ARB2A: variants seen among roughly 807,000 people sequenced by gnomAD.
The protein encoded by ARB2A is ARB2 cotranscriptional regulator A.
chr5:93,830,309 GTGTATATATATATATATATATATATA>G, the ARB2A span, among the ~76,000 whole-genome samples: 2 of 49,658 alleles, frequency 4.0e-5, no homozygotes, highest in African/African-American at 1.8e-4. Flanking sequence ...ATGTGTGTGT[GTGTATATATATATATATATATATATA>G]TATATATATA....
At chr5:94,072,880 T>C in the ARB2A span, among the ~76,000 whole-genome samples, 1 of 152,140 alleles carries the variant, frequency 6.6e-6, no homozygotes, top group East Asian at 1.9e-4. Context: ...CCATCTTCAT[T>C]ATTACAGCAA....
the ARB2A span, among the ~76,000 whole-genome samples, chr5:93,791,953 C>G: frequency 1.3e-5 from 2 of 151,372 alleles, no homozygotes; most frequent in Admixed American, 6.6e-5. Context: ...AAAAAAAAAG[C>G]AAACATTAAG....
the ARB2A span, among the ~76,000 whole-genome samples, chr5:93,851,186 G>A: frequency 2.0e-5 from 3 of 152,080 alleles, no homozygotes; most frequent in Admixed American, 2.0e-4. Flanking sequence ...AAAATGCTTA[G>A]CAAAGTAGCT....
chr5:93,651,776 C>T, the ARB2A span, among the ~76,000 whole-genome samples: 3 of 151,766 alleles, frequency 2.0e-5, no homozygotes, highest in African/African-American at 7.3e-5. Context: ...GATATGACAA[C>T]AATAATATAA....
chr5:93,903,944 C>T, the ARB2A span, among the ~76,000 whole-genome samples: 6 of 151,880 alleles, frequency 4.0e-5, no homozygotes, highest in Non-Finnish European at 8.8e-5. Flanking sequence ...ATAATTCACC[C>T]TTAGTCTTAG....
chr5:93,886,025 C>A, the ARB2A span, among the ~76,000 whole-genome samples: 1 of 151,572 alleles, frequency 6.6e-6, no homozygotes, highest in Admixed American at 6.6e-5. Flanking sequence ...TATATCAGTA[C>A]AAAAACGCAC....
chr5:94,029,849 C>T, the ARB2A span, among the ~76,000 whole-genome samples: 1 of 152,138 alleles, frequency 6.6e-6, no homozygotes, highest in Non-Finnish European at 1.5e-5. Context: ...GCGTATTAAT[C>T]TGTTTTCACT....
chr5:93,707,583 T>TA, the ARB2A span, among the ~76,000 whole-genome samples: 2 of 149,990 alleles, frequency 1.3e-5, no homozygotes, highest in African/African-American at 2.4e-5. Flanking sequence ...TTTCTTTTTT[T>TA]TTTTTTTTTG....
the ARB2A span, among the ~76,000 whole-genome samples, chr5:93,997,074 G>C: frequency 6.6e-6 from 1 of 152,032 alleles, no homozygotes; most frequent in Non-Finnish European, 1.5e-5. Context: ...TTACCTCAGA[G>C]ACTACATTAA....
chr5:93,973,267 T>A, the ARB2A span, among the ~76,000 whole-genome samples: 1 of 151,856 alleles, frequency 6.6e-6, no homozygotes, highest in African/African-American at 2.4e-5. Flanking sequence ...GCCAGGAATT[T>A]CAAACTACAA....
At chr5:94,012,515 C>T in the ARB2A span, among the ~76,000 whole-genome samples, 1 of 152,176 alleles carries the variant, frequency 6.6e-6, no homozygotes, top group Non-Finnish European at 1.5e-5. Flanking sequence ...AAAACATGCC[C>T]AGGCTAAGTT....
At chr5:93,934,269 T>C in the ARB2A span, among the ~76,000 whole-genome samples, 1 of 152,164 alleles carries the variant, frequency 6.6e-6, no homozygotes, top group Non-Finnish European at 1.5e-5. Context: ...AATTCTTCTT[T>C]ATTTCAATGG....
the ARB2A span, chr5:93,741,622 A>G: frequency 6.9e-7 from 1 of 1,442,582 alleles, no homozygotes; most frequent in Non-Finnish European, 9.1e-7. Context: ...AGGCTTCAGA[A>G]CAGCCACCGG....
chr5:93,938,845 T>G, the ARB2A span, among the ~76,000 whole-genome samples: 1 of 152,210 alleles, frequency 6.6e-6, no homozygotes, highest in South Asian at 2.1e-4. Flanking sequence ...ATTTGACTTC[T>G]TTAAGTTTTG....
chr5:94,007,370 A>G, the ARB2A span, among the ~76,000 whole-genome samples: 1 of 152,228 alleles, frequency 6.6e-6, no homozygotes, highest in Non-Finnish European at 1.5e-5. Flanking sequence ...AACTTACACA[A>G]TATCTTAGAC....
At chr5:93,812,755 T>C in the ARB2A span, among the ~76,000 whole-genome samples, 1 of 152,222 alleles carries the variant, frequency 6.6e-6, no homozygotes, top group South Asian at 2.1e-4. Flanking sequence ...TTAAATCATC[T>C]GACTCGATTA....
chr5:93,885,088 A>C, the ARB2A span, among the ~76,000 whole-genome samples: 2 of 151,594 alleles, frequency 1.3e-5, no homozygotes, highest in African/African-American at 4.8e-5. Context: ...TACTGTTTTA[A>C]ATTGAATAAT....
chr5:93,916,462 T>C, the ARB2A span, among the ~76,000 whole-genome samples: 2 of 152,134 alleles, frequency 1.3e-5, no homozygotes, highest in Non-Finnish European at 2.9e-5. Flanking sequence ...CTCTACCAAG[T>C]TTAATAAGAC....
chr5:93,716,693 C>CAAAAAAAAAAAAAAAAAAAA, the ARB2A span, among the ~76,000 whole-genome samples: 1 of 36,690 alleles, frequency 2.7e-5, no homozygotes, highest in African/African-American at 7.9e-5. Context: ...ATAAGCTGTG[C>CAAAAAAAAAAAAAAAAAAAA]AAAAAAAAAA....
Sources: allele counts gnomAD v4.1 joint callset (sites outside exome capture counted in the v4.1 genomes callset), GRCh38; gene constraint gnomAD v4.1.1; transcripts MANE v1.5; gene names NCBI Gene and HGNC (gene_info 2026-07-23, HGNC 2026-07-21).